EPHA6: variants seen among roughly 807,000 people sequenced by gnomAD.
EPHA6 encodes the protein ephrin type-A receptor 6.
In EPHA6, 50 loss-of-function variants were observed where a neutral mutation model predicts 112.0. The observed-to-expected ratio is 0.45, with a 90% CI of 0.36 to 0.56. EPHA6 has a LOEUF of 0.56. EPHA6 is among the 20% of genes least tolerant of loss of function. The pLI is 0.00. For missense variants in EPHA6, 1,280 were observed against 1,417.4 expected, an observed-to-expected ratio of 0.90 and a Z score of 1.56; for synonymous variants, 529 against 490.7, an observed-to-expected ratio of 1.08 and a Z score of -1.03.
chr3:97,255,133 G>A (rs986441693), intron 5 of EPHA6, among the ~76,000 whole-genome samples: 2 of 139,666 alleles, frequency 1.4e-5, no homozygotes, highest in East Asian at 4.3e-4. Context: ...TTTTCCAGAG[G>A]TACATCTTGG....
At chr3:97,312,636 C>G (rs1051771582) in intron 5 of EPHA6, among the ~76,000 whole-genome samples, 14 of 151,374 alleles carry the variant, frequency 9.2e-5, no homozygotes, top group Non-Finnish European at 2.1e-4. Flanking sequence ...TTATACGTAT[C>G]CTTTATCAAA....
intron 3 of EPHA6, among the ~76,000 whole-genome samples, chr3:97,090,644 A>ACAGTGTT (rs1327650064): frequency 1.3e-5 from 2 of 152,114 alleles, no homozygotes; most frequent in African/African-American, 4.8e-5. Context: ...ACACCTATTT[A>ACAGTGTT]CAGTGTTCTT....
At chr3:97,506,329 G>T (rs2092252232) in intron 10 of EPHA6, among the ~76,000 whole-genome samples, 1 of 152,184 alleles carries the variant, frequency 6.6e-6, no homozygotes, top group Non-Finnish European at 1.5e-5. Flanking sequence ...TTACATTTAA[G>T]TCTTTAGTCC....
At chr3:97,128,551 C>T (rs1311334208) in intron 3 of EPHA6, among the ~76,000 whole-genome samples, 1 of 152,070 alleles carries the variant, frequency 6.6e-6, no homozygotes, top group Non-Finnish European at 1.5e-5. Flanking sequence ...CACTCTGTTG[C>T]CCTGATGACT....
At chr3:97,524,111 T>C (rs1343202026) in intron 10 of EPHA6, among the ~76,000 whole-genome samples, 1 of 152,060 alleles carries the variant, frequency 6.6e-6, no homozygotes, top group African/African-American at 2.4e-5. Flanking sequence ...AGATATGGAC[T>C]TACTATAGGC....
intron 3 of EPHA6, among the ~76,000 whole-genome samples, chr3:97,114,454 A>C (rs2047821002): frequency 1.3e-5 from 2 of 152,068 alleles, no homozygotes; most frequent in Non-Finnish European, 2.9e-5. Context: ...TTATGCCACA[A>C]CAAAATCTTA....
chr3:96,832,423 C>A (rs2034143744), intron 1 of EPHA6, among the ~76,000 whole-genome samples: 2 of 152,008 alleles, frequency 1.3e-5, no homozygotes, highest in Admixed American at 1.3e-4. Flanking sequence ...TTTGTAACAT[C>A]CTTTGTCCTG....
At chr3:97,297,994 C>T (rs1576875277) in intron 5 of EPHA6, among the ~76,000 whole-genome samples, 1 of 152,154 alleles carries the variant, frequency 6.6e-6, no homozygotes, top group East Asian at 1.9e-4. Context: ...GATCTCTTGA[C>T]CTCATGGTCT....
At chr3:97,203,337 G>C (rs2077628858) in intron 3 of EPHA6, among the ~76,000 whole-genome samples, 1 of 152,110 alleles carries the variant, frequency 6.6e-6, no homozygotes, top group Admixed American at 6.6e-5. Flanking sequence ...GATTTAACAT[G>C]TATTTAGGGG....
intron 1 of EPHA6, among the ~76,000 whole-genome samples, chr3:96,824,696 A>G (rs934253656): frequency 6.6e-6 from 1 of 152,078 alleles, no homozygotes; most frequent in African/African-American, 2.4e-5. Context: ...ACATGTATTC[A>G]GCTGTACAGT....
chr3:97,113,963 C>T (rs1429293874), intron 3 of EPHA6, among the ~76,000 whole-genome samples: 5 of 152,122 alleles, frequency 3.3e-5, no homozygotes, highest in Admixed American at 3.3e-4. Context: ...TCCTGAATTA[C>T]AGCAGAAATA....
Position 97,475,340 on chromosome 3 carries a change from T to C in EPHA6, c.1895-12T>C. The C allele has an allele frequency of 6.3e-7, 1 of 1,596,690 alleles. No individual in the cohort carries two copies. Among genetic ancestry groups the C allele is most frequent in the Non-Finnish European group, 8.6e-7 (1 of 1,167,778 alleles). ...CACCCAGGGAAATTTTAATATTGTA[T>C]CTCTGTTTCAGCTTCTGACATGGCA... On this transcript the variant is annotated splice_polypyrimidine_tract_variant and intron_variant, in intron 7 of 17. Transcript: ENST00000389672.
intron 7 of EPHA6, among the ~76,000 whole-genome samples, chr3:97,453,748 A>G (rs1378076636): frequency 6.6e-6 from 1 of 151,682 alleles, no homozygotes; most frequent in African/African-American, 2.4e-5. Context: ...CTGTTTTTGT[A>G]TGGTTGATAT....
chr3:97,148,915 G>C (rs2076104945), intron 3 of EPHA6, among the ~76,000 whole-genome samples: 1 of 152,038 alleles, frequency 6.6e-6, no homozygotes, highest in Non-Finnish European at 1.5e-5. Flanking sequence ...TGTTTTGCTG[G>C]AGGGCAAATG....
chr3:97,166,553 T>C (rs1343624347), intron 3 of EPHA6, among the ~76,000 whole-genome samples: 1 of 152,128 alleles, frequency 6.6e-6, no homozygotes, highest in East Asian at 1.9e-4. Context: ...TTTATTCATA[T>C]TTGGCAGATA....
chr3:97,285,850 ACCAACAG>A (rs1452587255), intron 5 of EPHA6, among the ~76,000 whole-genome samples: 1 of 152,064 alleles, frequency 6.6e-6, no homozygotes, highest in Non-Finnish European at 1.5e-5. Flanking sequence ...TTACATTCCC[ACCAACAG>A]TGTATGACAG....
intron 3 of EPHA6, among the ~76,000 whole-genome samples, chr3:97,156,434 TG>T (rs1213368153): frequency 2.0e-5 from 3 of 152,234 alleles, no homozygotes; most frequent in Non-Finnish European, 4.4e-5. Flanking sequence ...ATATCTTATC[TG>T]TAATAATTTA....
At position 97,097,217 on chromosome 3, in the gene EPHA6, G is replaced by A. The variant is rs575772449; in HGVS notation, c.1114+109224G>A. Reference sequence around the variant, plus strand: ...GACATATGCAATATCATTAATAAAAGAAATAAAAATATGTAAATGGAAAAT... The same window carrying A: ...GACATATGCAATATCATTAATAAAAAAAATAAAAATATGTAAATGGAAAAT... On this transcript the variant is annotated intron_variant, in intron 3 of 17. Coordinates refer to ENST00000389672, the MANE Select transcript of EPHA6 (RefSeq NM_001080448.3). Among the ~76,000 whole-genome samples the A allele has an allele frequency of 3.3e-5, 5 of 151,398 alleles. No homozygotes were observed. In the East Asian group the frequency reaches 7.8e-4, roughly 23 times the overall value.
At chr3:97,363,682 A>G (rs13074896) in intron 5 of EPHA6, among the ~76,000 whole-genome samples, 1 of 152,018 alleles carries the variant, frequency 6.6e-6, no homozygotes, top group African/African-American at 2.4e-5. Flanking sequence ...GAAAGCAGGG[A>G]CTTGAATGGT....
Sources: allele counts gnomAD v4.1 joint callset (sites outside exome capture counted in the v4.1 genomes callset), GRCh38; gene constraint gnomAD v4.1.1; transcripts MANE v1.5; gene names NCBI Gene and HGNC (gene_info 2026-07-23, HGNC 2026-07-21).